The following ITGB2 variants were observed in gnomAD, a reference collection of about 807,000 sequenced individuals.
ITGB2 encodes integrin subunit beta 2.
Under a neutral mutation model 86.8 loss-of-function variants are expected in ITGB2, and 56 were observed. The observed-to-expected ratio is 0.65, with a 90% confidence interval of 0.52 to 0.81. The LOEUF is 0.81. Among genes scored for constraint, ITGB2 ranks in the 30% least tolerant of loss-of-function variants. The pLI is 0.00. For missense variants in ITGB2, 948 were observed against 1,061.2 expected, an observed-to-expected ratio of 0.89 and a Z score of 1.48; for synonymous variants, 457 against 450.4, an observed-to-expected ratio of 1.01 and a Z score of -0.19.
chr21:44,901,755 T>A, intron 5 of ITGB2, 22 bp from the exon 6 acceptor site: 3 of 1,597,754 alleles, frequency 1.9e-6, no homozygotes, highest in Non-Finnish European at 2.6e-6. Context: ...ATGGAGGGGC[T>A]GGGGAGGTGG....
intron 3 of ITGB2, chr21:44,908,041 G>T (rs1568899595): frequency 2.8e-6 from 2 of 717,274 alleles, no homozygotes; most frequent in Admixed American, 2.0e-5. Context: ...AAAGGGGAGG[G>T]AAAAAACCCA....
At chr21:44,894,651 G>A in intron 9 of ITGB2, 1 of 408,834 alleles carries the variant, frequency 2.4e-6, no homozygotes, top group Non-Finnish European at 4.6e-6. Flanking sequence ...TGCCCCAGCT[G>A]CACTGTTTGC....
At position 44,903,462 on chromosome 21, in the gene ITGB2, G is replaced by C. The variant is rs1601310189; in HGVS notation, c.402C>G (p.Asp134Glu). The stretch of plus-strand genomic sequence containing the variant: ...GGTCATCAAGCATGGAGTAGGAGAG[G>C]TCCATCAGATAGTACAGGTCGATGG... ...GYPIDLYYLMDLSYSMLDDLR... is the reference protein window; with the variant it reads ...GYPIDLYYLMELSYSMLDDLR... Residue 134 changes from aspartate to glutamate, a missense_variant, in exon 5 of 16, where the codon GAC (aspartate) becomes GAG (glutamate). Physicochemically the swap from Asp to Glu is conservative, Grantham distance 45. Transcript: ENST00000652462. 2 of 1,614,080 alleles carry C rather than the reference G, an allele frequency of 1.2e-6. No individual in the cohort carries two copies. Among genetic ancestry groups the C allele is most frequent in the Non-Finnish European group, 1.7e-6 (2 of 1,179,964 alleles).
chr21:44,919,552 C>G (rs1267083336), intron 1 of ITGB2, among the ~76,000 whole-genome samples: 7 of 152,236 alleles, frequency 4.6e-5, no homozygotes, highest in Non-Finnish European at 1.5e-5. Context: ...CCCAGAGCTT[C>G]TAGCAGCTCA....
At chr21:44,901,802 G>T (rs2083963936) in intron 5 of ITGB2, 69 bp from the exon 6 acceptor site, 4 of 1,525,292 alleles carry the variant, frequency 2.6e-6, no homozygotes, top group South Asian at 2.4e-5. Flanking sequence ...GCTTCAAAGG[G>T]GCACGAGGGC....
chr21:44,905,919 C>T (rs1404853604), intron 4 of ITGB2, among the ~76,000 whole-genome samples: 2 of 152,192 alleles, frequency 1.3e-5, no homozygotes, highest in Non-Finnish European at 2.9e-5. Context: ...GAGGGCAGAG[C>T]TCTGAGCCCC....
At chr21:44,893,951 CAGAG>C in intron 9 of ITGB2, 1 of 321,806 alleles carries the variant, frequency 3.1e-6, no homozygotes, top group Non-Finnish European at 6.2e-6. Flanking sequence ...TGGAGAGAAA[CAGAG>C]AGAGGCAGAG....
At chr21:44,899,277 G>C in intron 7 of ITGB2, 115 bp from the exon 8 acceptor site, 1 of 800,262 alleles carries the variant, frequency 1.2e-6, no homozygotes, top group Non-Finnish European at 2.1e-6. Flanking sequence ...ACCCTCTCTG[G>C]GGAAGGCTGG....
chr21:44,906,492 T>C (rs1298103541), intron 4 of ITGB2, among the ~76,000 whole-genome samples: 1 of 152,162 alleles, frequency 6.6e-6, no homozygotes, highest in Non-Finnish European at 1.5e-5. Context: ...ACAGGTGCTC[T>C]GGTCAAGTCA....
chr21:44,895,237 G>A (rs913241177), intron 8 of ITGB2, among the ~76,000 whole-genome samples, 177 bp from the exon 9 acceptor site: 13 of 152,286 alleles, frequency 8.5e-5, no homozygotes, highest in Admixed American at 7.2e-4. Flanking sequence ...AGGTTCTTGG[G>A]GGTAAAAAGC....
In ITGB2 at chr21:44,898,509, C is replaced by A. The variant is rs1015668490; in HGVS notation, c.993+558G>T. Among the ~76,000 whole-genome samples, 3 of 152,342 alleles carry A rather than the reference C, an allele frequency of 2.0e-5. No individual in the cohort carries two copies. In the East Asian group the frequency reaches 5.8e-4, roughly 29 times the overall value. On this transcript the variant is annotated intron_variant, in intron 8 of 15. Transcript: ENST00000652462. ...TGATCCTGAGAAAGGTCTTGGGAAC[C>A]CCAACAGCACCTGAGCGTCTTGACG...
chr21:44,901,752 G>A lies in ITGB2; in HGVS notation c.500-19C>T, dbSNP rs1246082648. The A allele has an allele frequency of 6.3e-7, 1 of 1,599,118 alleles. No homozygotes were observed. On this transcript the variant is annotated intron_variant, in intron 5 of 15. Coordinates refer to ENST00000652462, the MANE Select transcript of ITGB2 (RefSeq NM_000211.5). ...CCGAAGCCTGCAGGGCACATGGAGG[G>A]GCTGGGGAGGTGGCAGGCTGGGCCC...
In ITGB2 at chr21:44,900,974, G is replaced by C. The variant is rs77773920; in HGVS notation, c.742-499C>G. 7.5e-3 allele frequency among the ~76,000 whole-genome samples: 1,139 copies of C among 152,332 alleles called. 60 individuals carry two copies. In the East Asian group the frequency reaches 0.15, roughly 20 times the overall value. On this transcript the variant is annotated intron_variant, in intron 6 of 15. Transcript: ENST00000652462. The stretch of plus-strand genomic sequence containing the variant: ...GCAGTGTGTCTGCGCTGGGACTGCA[G>C]GGAAGCAGGAGAGCTAAGGTGGGTT...
chr21:44,889,253 C>A, intron 13 of ITGB2, 23 bp downstream of exon 13: 1 of 1,609,890 alleles, frequency 6.2e-7, no homozygotes, highest in South Asian at 1.1e-5. Context: ...CCTGCCCGCC[C>A]TGCCTGCTCC....
At chr21:44,899,224 C>T in intron 7 of ITGB2, 62 bp from the exon 8 acceptor site, 1 of 1,192,160 alleles carries the variant, frequency 8.4e-7, no homozygotes, top group Non-Finnish European at 1.2e-6. Flanking sequence ...CAGGTACCCG[C>T]CCCTGTCTGC....
At position 44,886,227 on chromosome 21, in the gene ITGB2, A is replaced by G. The variant is rs1236384463; in HGVS notation, c.*141T>C. ...AGCCCCCAGAAGCACCCGGCCGGCC[A>G]TGGCTGTCATTTTGAGGGCGGAAAA... is the stretch of plus-strand genomic sequence containing the variant. On this transcript the variant is annotated 3_prime_UTR_variant, in exon 16 of 16. Transcript: ENST00000652462. 8 of 841,452 alleles carry G rather than the reference A, an allele frequency of 9.5e-6. No individual in the cohort carries two copies. The highest frequency in any genetic ancestry group is 3.3e-4 in the Middle Eastern group (1 of 3,032). 52.1% of individuals were successfully genotyped at this position (841,452 alleles called of 1,614,324 possible).
chr21:44,893,469 T>G lies in ITGB2; in HGVS notation c.1159A>C (p.Ser387Arg), dbSNP rs1601290608. 1.2e-6 allele frequency: 2 copies of G among 1,614,006 alleles called. No individual in the cohort carries two copies. The highest frequency in any genetic ancestry group is 2.7e-5 in the African/African-American group (2 of 74,924). ...TGGTTCCTGTGCGTCACTCCATTGC[T>G]GCAGAAGGAGTCGTAGGTGACTTTC... ...TLKVTYDSFC[S>R]NGVTHRNQPR... The change falls in exon 10 of 16, where the codon AGC becomes CGC. Residue 387 changes from serine to arginine, a missense_variant. Transcript: ENST00000652462.
At chr21:44,922,425 G>A (rs567082452), upstream of ITGB2, among the ~76,000 whole-genome samples, 2 of 152,194 alleles carry the variant, frequency 1.3e-5, no homozygotes, top group African/African-American at 4.8e-5. Flanking sequence ...CACTTTGGGA[G>A]GCCGAGGTGG....
chr21:44,922,661 A>G (rs1347154853), upstream of ITGB2, among the ~76,000 whole-genome samples: 100 of 37,836 alleles, frequency 2.6e-3, 1 homozygote, highest in Middle Eastern at 0.034. Context: ...TAACTGAGAA[A>G]AAAAAAAAAA....
Sources: gnomAD v4.1 joint callset for allele counts (sites outside exome capture counted in the v4.1 genomes callset) on GRCh38, gnomAD v4.1.1 for gene constraint, MANE v1.5 for transcripts, NCBI Gene and HGNC (gene_info 2026-07-23, HGNC 2026-07-21) for gene names.